The following CEMIP variants were observed in gnomAD, a reference collection of about 807,000 sequenced individuals.
CEMIP encodes the protein cell migration-inducing and hyaluronan-binding protein.
CEMIP carries 105 observed loss-of-function variants against 156.9 expected under a neutral mutation model. The observed-to-expected ratio is 0.67, with a 90% CI of 0.57 to 0.79. The LOEUF is 0.79. CEMIP is among the 30% of genes least tolerant of loss of function. The pLI is 0.00. For synonymous variants in CEMIP, 676 were observed against 668.4 expected (o/e 1.01, Z -0.17); for missense variants, 1,457 against 1,769.4 (o/e 0.82, Z 3.17).
intron 1 of CEMIP, among the ~76,000 whole-genome samples, chr15:80,870,254 G>C (rs1898243801): frequency 6.6e-6 from 1 of 152,182 alleles, no homozygotes; most frequent in African/African-American, 2.4e-5. Context: ...GGACGGGGAT[G>C]GCTGTCCCTC....
At chr15:80,805,564 T>A (rs182311207) in intron 1 of CEMIP, among the ~76,000 whole-genome samples, 8 of 152,212 alleles carry the variant, frequency 5.3e-5, no homozygotes, top group African/African-American at 1.9e-4. Context: ...AGACTCTTTT[T>A]AAGGGAAAAC....
intron 1 of CEMIP, among the ~76,000 whole-genome samples, chr15:80,793,877 C>A (rs1356264640): frequency 1.3e-5 from 2 of 152,208 alleles, no homozygotes; most frequent in South Asian, 4.1e-4. Flanking sequence ...GAAAAACAAA[C>A]ACCACATGAA....
intron 1 of CEMIP, among the ~76,000 whole-genome samples, chr15:80,854,034 T>C (rs1897779046): frequency 6.6e-6 from 1 of 152,094 alleles, no homozygotes; most frequent in Non-Finnish European, 1.5e-5. Flanking sequence ...CAAGCTGGAG[T>C]CAGAGAGATC....
intron 1 of CEMIP, among the ~76,000 whole-genome samples, chr15:80,810,149 AT>A (rs983511654): frequency 3.3e-5 from 5 of 152,098 alleles, no homozygotes; most frequent in African/African-American, 1.2e-4. Context: ...TGATACATTG[AT>A]TTTTTTCTTA....
At chr15:80,857,154 A>G (rs1897872440) in intron 1 of CEMIP, among the ~76,000 whole-genome samples, 2 of 152,248 alleles carry the variant, frequency 1.3e-5, no homozygotes, top group Admixed American at 6.5e-5. Context: ...GAGAAAGTCT[A>G]TCTGCTGTGC....
intron 1 of CEMIP, among the ~76,000 whole-genome samples, chr15:80,815,306 C>T (rs1896765397): frequency 6.6e-6 from 1 of 152,226 alleles, no homozygotes; most frequent in Admixed American, 6.5e-5. Context: ...ATTCCCAGTG[C>T]TGTGGTGAAG....
At chr15:80,920,447 C>T (rs1338491606) in intron 15 of CEMIP, 148 bp downstream of exon 15, 3 of 679,446 alleles carry the variant, frequency 4.4e-6, no homozygotes, top group Admixed American at 5.7e-5. Context: ...CCTACGGCTC[C>T]AGCTTCCTGC....
intron 4 of CEMIP, among the ~76,000 whole-genome samples, chr15:80,879,311 G>A (rs112588134): frequency 4.5e-4 from 68 of 152,224 alleles, no homozygotes; most frequent in African/African-American, 1.4e-3. Context: ...CACCTGTACC[G>A]AACATGTACA....
intron 1 of CEMIP, among the ~76,000 whole-genome samples, chr15:80,817,257 T>C (rs1460254721): frequency 6.6e-6 from 1 of 152,044 alleles, no homozygotes; most frequent in Non-Finnish European, 1.5e-5. Context: ...GCTCAAATAA[T>C]TGGATATTGC....
chr15:80,920,946 A>C lies in CEMIP; in HGVS notation c.2004-86A>C. 10 of 1,065,252 alleles carry C rather than the reference A, an allele frequency of 9.4e-6. No individual in the cohort carries two copies. The South Asian group carries it at 1.3e-4, about 14-fold the overall frequency. The allele number at this position is 1,065,252 out of a possible 1,614,324, so 66.0% of individuals were successfully genotyped here. A position where few individuals can be genotyped will look rare whatever the true frequency, so the allele number is the denominator to read the frequency against. On this transcript the variant is annotated intron_variant, in intron 15 of 29. Coordinates refer to ENST00000394685, the MANE Select transcript of CEMIP (RefSeq NM_001293298.2). ...GATAAGAGACTATCAGGCCAATATC[A>C]GAGTGCCCAACCTGCACCTGCCATG...
chr15:80,949,352 G>A lies in CEMIP; in HGVS notation c.*428G>A, dbSNP rs1901718178. On this transcript the variant is annotated 3_prime_UTR_variant, in exon 30 of 30. Coordinates refer to ENST00000394685, the MANE Select transcript of CEMIP (RefSeq NM_001293298.2). The stretch of plus-strand genomic sequence containing the variant: ...TGGTCTTCAGCAGACAAGTGAGGGT[G>A]GTAAATGTAGGAGAAAGAGCCTTGG... 1.0e-5 allele frequency: 3 copies of A among 299,662 alleles called. No individual in the cohort carries two copies. The highest frequency in any genetic ancestry group is 6.6e-6 in the Non-Finnish European group (1 of 152,086). The allele number at this position is 299,662 out of a possible 1,614,324, so 18.6% of individuals were successfully genotyped here. A position where few individuals can be genotyped will look rare whatever the true frequency, so the allele number is the denominator to read the frequency against.
At chr15:80,843,944 G>A (rs926249551) in intron 1 of CEMIP, among the ~76,000 whole-genome samples, 3 of 152,260 alleles carry the variant, frequency 2.0e-5, no homozygotes, top group African/African-American at 4.8e-5. Flanking sequence ...GGAGCAGCCA[G>A]TCATTGCCCG....
rs1901347529 is a variant in CEMIP, at chr15:80,941,832, A to T, written c.3408-17A>T. Reference sequence around the variant, plus strand: ...TGAGTGTCCAAGCAAATGCCCAGCAATGCTCCTTGTGTGCAGGCTGTTGTT... The same window carrying T: ...TGAGTGTCCAAGCAAATGCCCAGCATTGCTCCTTGTGTGCAGGCTGTTGTT... On this transcript the variant is annotated splice_polypyrimidine_tract_variant and intron_variant, in intron 25 of 29. Coordinates refer to ENST00000394685, the MANE Select transcript of CEMIP (RefSeq NM_001293298.2). The T allele has an allele frequency of 6.2e-7, 1 of 1,611,026 alleles. No individual in the cohort carries two copies. The highest frequency in any genetic ancestry group is 8.5e-7 in the Non-Finnish European group (1 of 1,179,006).
At chr15:80,900,490 C>A (rs760661623) in intron 12 of CEMIP, among the ~76,000 whole-genome samples, 1 of 152,016 alleles carries the variant, frequency 6.6e-6, no homozygotes, top group Non-Finnish European at 1.5e-5. Context: ...ACATTCGGCT[C>A]GGAGCAGCCA....
chr15:80,869,704 T>C (rs965532244), intron 1 of CEMIP, among the ~76,000 whole-genome samples: 1 of 152,204 alleles, frequency 6.6e-6, no homozygotes, highest in Non-Finnish European at 1.5e-5. Flanking sequence ...CCGATTCCTC[T>C]CTGTACCTCC....
intron 1 of CEMIP, among the ~76,000 whole-genome samples, chr15:80,834,962 A>T (rs1897238801): frequency 6.6e-6 from 1 of 152,220 alleles, no homozygotes; most frequent in African/African-American, 2.4e-5. Flanking sequence ...TGCTTTAAAA[A>T]AAAGAGCATG....
At chr15:80,914,838 G>C (rs989643052) in intron 14 of CEMIP, among the ~76,000 whole-genome samples, 2 of 66,060 alleles carry the variant, frequency 3.0e-5, no homozygotes, top group Non-Finnish European at 1.1e-4. Flanking sequence ...CTGTATGGGA[G>C]ACCGGAGTTT....
intron 12 of CEMIP, among the ~76,000 whole-genome samples, chr15:80,898,367 A>T (rs1899319145): frequency 6.6e-6 from 1 of 152,214 alleles, no homozygotes; most frequent in Non-Finnish European, 1.5e-5. Flanking sequence ...TATGTGAGGC[A>T]CTTACAATAT....
At chr15:80,856,285 G>GA (rs1216093560) in intron 1 of CEMIP, among the ~76,000 whole-genome samples, 2 of 152,040 alleles carry the variant, frequency 1.3e-5, no homozygotes, top group African/African-American at 2.4e-5. Flanking sequence ...CTCAAAAGAT[G>GA]AAAAAAAGAA....
Sources: allele counts gnomAD v4.1 joint callset (sites outside exome capture counted in the v4.1 genomes callset), GRCh38; gene constraint gnomAD v4.1.1; transcripts MANE v1.5; gene names NCBI Gene and HGNC (gene_info 2026-07-23, HGNC 2026-07-21).